CLYBL: variants seen among roughly 807,000 people sequenced by gnomAD.
The protein encoded by CLYBL is citramalyl-CoA lyase, mitochondrial.
A neutral mutation model predicts 38.9 loss-of-function variants in CLYBL; 31 were observed. The ratio of observed to expected loss-of-function variants is 0.80; its 90% CI spans 0.60 to 1.08. CLYBL has a LOEUF of 1.08. Among genes scored for constraint, CLYBL ranks in the 50% least tolerant of loss-of-function variants. CLYBL has a pLI of 0.00. For synonymous variants in CLYBL, 171 were observed against 158.6 expected (o/e 1.08, Z -0.59); for missense variants, 434 against 411.6 (o/e 1.05, Z -0.47).
chr13:99,832,864 G>A (rs1228419022), intron 2 of CLYBL, among the ~76,000 whole-genome samples: 1 of 148,932 alleles, frequency 6.7e-6, no homozygotes, highest in East Asian at 2.0e-4. Context: ...AAAAGGAGGG[G>A]AGAGAAGGAA....
chr13:99,832,568 G>A (rs1419166375), intron 2 of CLYBL, among the ~76,000 whole-genome samples: 2 of 152,118 alleles, frequency 1.3e-5, no homozygotes, highest in African/African-American at 4.8e-5. Flanking sequence ...TTAAATTTAT[G>A]TAAAAACTGA....
intron 1 of CLYBL, among the ~76,000 whole-genome samples, chr13:99,655,997 C>T (rs950756675): frequency 6.6e-6 from 1 of 152,194 alleles, no homozygotes; most frequent in Non-Finnish European, 1.5e-5. Flanking sequence ...TTGGAGCCAG[C>T]CCTTTTAAGC....
In CLYBL at chr13:99,849,712, A is replaced by G. The variant is rs1050482257; in HGVS notation, c.250-9149A>G. ...TACCAAAGGCCTGGCACATATAGTT[A>G]AGGAAAATCCACCAGGAGGAGATGG... On this transcript the variant is annotated intron_variant, in intron 2 of 8. Coordinates refer to ENST00000339105, the MANE Select transcript of CLYBL (RefSeq NM_206808.5). This position sits in a 1 kb window ranked among gnomAD's most constrained non-coding sequence, Gnocchi z 4.9. 1.3e-5 allele frequency among the ~76,000 whole-genome samples: 2 copies of G among 152,300 alleles called. No individual in the cohort carries two copies. Among genetic ancestry groups the G allele is most frequent in the African/African-American group, 4.8e-5 (2 of 41,572 alleles).
rs765223289 is a variant in CLYBL at position 99,858,951 on chromosome 13, G to A, written c.340G>A (p.Gly114Ser). ...KCVRVNSVSS[G>S]LAEEDLETLL... ...TGTGAGAGTCAACTCAGTTTCCAGT[G>A]GTCTGGCGGAAGAAGACCTAGAGAC... Residue 114 changes from glycine (G) to serine (S), a missense_variant, in exon 3 of 9, where the codon GGT becomes AGT. By Grantham distance (56) the Gly-to-Ser change is moderately conservative (BLOSUM62 0). Coordinates refer to ENST00000339105, the MANE Select transcript of CLYBL (RefSeq NM_206808.5). 1 of 1,614,060 alleles carries A rather than the reference G, an allele frequency of 6.2e-7. No homozygotes were observed. The highest frequency in any genetic ancestry group is 8.5e-7 in the Non-Finnish European group (1 of 1,179,964).
rs540491021 is a variant in CLYBL, at chr13:99,730,894, A to G, written c.63-41930A>G. On this transcript the variant is annotated intron_variant, in intron 1 of 8. Transcript: ENST00000339105. ...GGTCAGGAGTTTGAGACCAGCCTGG[A>G]CAACATGGTGAAACCCCTTCTCTAC... Among the ~76,000 whole-genome samples, 25 of 151,562 alleles carry G rather than the reference A, an allele frequency of 1.6e-4. No individual in the cohort carries two copies. In the South Asian group the frequency reaches 4.6e-3, roughly 28 times the overall value.
At chr13:99,873,526 T>A (rs1380486373) in intron 7 of CLYBL, among the ~76,000 whole-genome samples, 1 of 152,168 alleles carries the variant, frequency 6.6e-6, no homozygotes, top group Non-Finnish European at 1.5e-5. Flanking sequence ...TTTTCCTCCC[T>A]CTGATGAAAA....
intron 2 of CLYBL, among the ~76,000 whole-genome samples, chr13:99,853,126 C>A (rs1288396624): frequency 4.7e-5 from 7 of 149,856 alleles, no homozygotes; most frequent in Non-Finnish European, 1.1e-4. Flanking sequence ...GTTCTAACAT[C>A]TTTAAAAAAT....
At chr13:99,819,512 T>C (rs2050544286) in intron 2 of CLYBL, among the ~76,000 whole-genome samples, 1 of 140,622 alleles carries the variant, frequency 7.1e-6, no homozygotes, top group Non-Finnish European at 1.5e-5. Flanking sequence ...ATAGGATATA[T>C]ATAGATATAT....
chr13:99,686,748 C>T (rs369357936), intron 1 of CLYBL, among the ~76,000 whole-genome samples: 98 of 152,226 alleles, frequency 6.4e-4, no homozygotes, highest in African/African-American at 2.3e-3. Flanking sequence ...GAAAACTTGA[C>T]GCAGATTCAA....
chr13:99,674,142 CTTTTTTTTTTTTTTTT>C (rs1167068936), intron 1 of CLYBL, among the ~76,000 whole-genome samples: 17 of 51,156 alleles, frequency 3.3e-4, no homozygotes, highest in Admixed American at 2.7e-3. Flanking sequence ...TACTAGAATT[CTTTTTTTTTTTTTTTT>C]TTTTTTTTTT....
At chr13:99,699,362 G>T (rs2048026610) in intron 1 of CLYBL, among the ~76,000 whole-genome samples, 1 of 152,020 alleles carries the variant, frequency 6.6e-6, no homozygotes, top group Admixed American at 6.6e-5. Context: ...TCCAGCCTGG[G>T]CAATAAGAGC....
chr13:99,766,219 G>T (rs1594168470), intron 1 of CLYBL, among the ~76,000 whole-genome samples: 4 of 152,126 alleles, frequency 2.6e-5, no homozygotes, highest in South Asian at 4.2e-4. Flanking sequence ...ATTTTTTAAA[G>T]ATTTTTTTCT....
chr13:99,708,473 G>C (rs976345904), intron 1 of CLYBL, among the ~76,000 whole-genome samples: 1 of 152,210 alleles, frequency 6.6e-6, no homozygotes, highest in Admixed American at 6.5e-5. Flanking sequence ...TGGAATGGAC[G>C]GATAGTGGTT....
chr13:99,725,000 TTCAG>T (rs2048449819), intron 1 of CLYBL, among the ~76,000 whole-genome samples: 1 of 152,224 alleles, frequency 6.6e-6, no homozygotes, highest in Middle Eastern at 3.2e-3. Context: ...TATAGATAAT[TTCAG>T]TCAATTTGTG....
intron 1 of CLYBL, among the ~76,000 whole-genome samples, chr13:99,623,233 G>A (rs1309730785): frequency 2.6e-5 from 4 of 152,170 alleles, no homozygotes; most frequent in Non-Finnish European, 5.9e-5. Context: ...ATGTACAAGC[G>A]TTCTGATTTC....
At chr13:99,706,641 C>G (rs1162581741) in intron 1 of CLYBL, among the ~76,000 whole-genome samples, 2 of 152,164 alleles carry the variant, frequency 1.3e-5, no homozygotes, top group East Asian at 3.9e-4. Context: ...TAGTCAAGTC[C>G]AAATTGCTCA....
chr13:99,810,118 AT>A (rs1233254003), intron 2 of CLYBL, among the ~76,000 whole-genome samples: 2 of 152,246 alleles, frequency 1.3e-5, no homozygotes, highest in Non-Finnish European at 2.9e-5. Flanking sequence ...TCATCAAATA[AT>A]GATTGAGAAA....
chr13:99,858,457 C>G (rs185885471), intron 2 of CLYBL, among the ~76,000 whole-genome samples: 127 of 152,250 alleles, frequency 8.3e-4, no homozygotes, highest in African/African-American at 2.9e-3. Context: ...TAGATGTTAG[C>G]CAATTTCTTA....
At chr13:99,608,080 TTTTTTTC>T (rs1187375806) in intron 1 of CLYBL, among the ~76,000 whole-genome samples, 5 of 130,610 alleles carry the variant, frequency 3.8e-5, no homozygotes, top group Non-Finnish European at 6.3e-5. Context: ...TTTTTTTTTT[TTTTTTTC>T]CGAGATGGAG....
Sources: gnomAD v4.1 joint callset for allele counts (sites outside exome capture counted in the v4.1 genomes callset) on GRCh38, gnomAD v4.1.1 for gene constraint, Gnocchi (gnomAD v3.1) non-coding constraint, MANE v1.5 for transcripts, NCBI Gene and HGNC (gene_info 2026-07-23, HGNC 2026-07-21) for gene names.